TBC1D5: variants seen among roughly 807,000 people sequenced by gnomAD.
TBC1D5 encodes TBC1 domain family member 5, also known as TBC1 domain family, member 5.
A neutral mutation model predicts 100.3 loss-of-function variants in TBC1D5; 75 were observed. That is an observed-to-expected ratio of 0.75 (90% confidence interval 0.62 to 0.91). The LOEUF (loss-of-function observed/expected upper bound fraction) is 0.91, where lower values mean the gene tolerates loss of function less well. TBC1D5 is among the 40% of genes least tolerant of loss of function. The pLI is 0.00. For missense variants in TBC1D5, 910 were observed against 942.4 expected, an observed-to-expected ratio of 0.97 and a Z score of 0.45; for synonymous variants, 323 against 325.6, an observed-to-expected ratio of 0.99 and a Z score of 0.09.
intron 3 of TBC1D5, among the ~76,000 whole-genome samples, chr3:17,437,793 T>G (rs2094565469): frequency 6.6e-6 from 1 of 152,204 alleles, no homozygotes; most frequent in Admixed American, 6.5e-5. Context: ...TTCCCTAGAT[T>G]ATTCTGATGA....
chr3:17,247,723 A>G (rs946795091), intron 16 of TBC1D5, among the ~76,000 whole-genome samples: 22 of 152,206 alleles, frequency 1.4e-4, no homozygotes, highest in Non-Finnish European at 4.4e-5. Context: ...TTAAAATTGG[A>G]GTCAATCCCT....
intron 19 of TBC1D5, among the ~76,000 whole-genome samples, chr3:17,169,559 T>C (rs1287231815): frequency 1.3e-5 from 2 of 152,222 alleles, no homozygotes; most frequent in Non-Finnish European, 2.9e-5. Context: ...GACTGTAGTT[T>C]TGGCTATTAG....
At chr3:17,291,856 C>G (rs747822405) in intron 15 of TBC1D5, 39 bp downstream of exon 15, 4 of 1,564,584 alleles carry the variant, frequency 2.6e-6, no homozygotes, top group Non-Finnish European at 3.5e-6. Flanking sequence ...TATTTTTCAC[C>G]CAACTTAAAA....
At chr3:17,341,893 C>T (rs2089016773) in intron 13 of TBC1D5, among the ~76,000 whole-genome samples, 2 of 152,118 alleles carry the variant, frequency 1.3e-5, no homozygotes, top group South Asian at 4.1e-4. Flanking sequence ...GTAATTACTC[C>T]TAGTCCTTAA....
intron 13 of TBC1D5, among the ~76,000 whole-genome samples, chr3:17,344,497 T>G (rs2089554515): frequency 6.6e-6 from 1 of 151,172 alleles, no homozygotes; most frequent in Non-Finnish European, 1.5e-5. Context: ...CTGCCCAAGG[T>G]AATTTATAGA....
At chr3:17,538,752 A>C (rs1372886264) in intron 2 of TBC1D5, among the ~76,000 whole-genome samples, 4 of 152,188 alleles carry the variant, frequency 2.6e-5, no homozygotes, top group African/African-American at 9.7e-5. Context: ...AAAGACTAGA[A>C]ACCCAGTCGG....
intron 16 of TBC1D5, among the ~76,000 whole-genome samples, chr3:17,249,204 A>G (rs1281590468): frequency 6.6e-6 from 1 of 152,210 alleles, no homozygotes; most frequent in African/African-American, 2.4e-5. Context: ...CTGGAGTAGC[A>G]CTTTTAATTT....
Position 17,169,145 on chromosome 3 carries a change from A to G in TBC1D5, c.1853-1317T>C, listed in dbSNP as rs561220672. On this transcript the variant is annotated intron_variant, in intron 19 of 21. Coordinates refer to ENST00000253692, the Ensembl canonical transcript of TBC1D5. The stretch of plus-strand genomic sequence containing the variant: ...CCATCATTTCACTGTATTTATAAGC[A>G]CTTATCATTGTTTGATGCATGTATT... Among the ~76,000 whole-genome samples the G allele has an allele frequency of 8.5e-5, 13 of 152,224 alleles. 1 individual carries two copies. In the South Asian group the frequency reaches 1.9e-3, roughly 22 times the overall value.
At chr3:17,514,839 C>T (rs2153269074) in intron 2 of TBC1D5, among the ~76,000 whole-genome samples, 1 of 152,176 alleles carries the variant, frequency 6.6e-6, no homozygotes, top group Admixed American at 6.5e-5. Context: ...GCTCAAGATG[C>T]AGAGACTGGG....
chr3:17,367,782 C>G (rs2092247852), intron 13 of TBC1D5, among the ~76,000 whole-genome samples: 1 of 151,686 alleles, frequency 6.6e-6, no homozygotes, highest in Non-Finnish European at 1.5e-5. Context: ...TTGCTTGAAC[C>G]CGGGAGGCAG....
intron 13 of TBC1D5, among the ~76,000 whole-genome samples, chr3:17,318,935 T>C (rs2085032989): frequency 6.6e-6 from 1 of 152,182 alleles, no homozygotes; most frequent in African/African-American, 2.4e-5. Flanking sequence ...ATTACAGCTA[T>C]AGGACCCTAC....
intron 18 of TBC1D5, among the ~76,000 whole-genome samples, chr3:17,204,945 A>C (rs541687266): frequency 2.0e-5 from 3 of 152,206 alleles, no homozygotes; most frequent in Non-Finnish European, 4.4e-5. Context: ...CTCTCTCACA[A>C]AGATATATAG....
chr3:17,515,964 C>T (rs886907275), intron 2 of TBC1D5, among the ~76,000 whole-genome samples: 11 of 152,126 alleles, frequency 7.2e-5, no homozygotes, highest in African/African-American at 2.4e-4. Flanking sequence ...ATTTAAGTCC[C>T]CAAATGCTAC....
rs73143783 is a variant in TBC1D5, at chr3:17,277,982, T to A, written c.1245+13913A>T. Among the ~76,000 whole-genome samples, 816 of 152,318 alleles carry A rather than the reference T, an allele frequency of 5.4e-3. 11 individuals are homozygous for A. The highest frequency in any genetic ancestry group is 0.019 in the African/African-American group (784 of 41,570). On this transcript the variant is annotated intron_variant, in intron 15 of 21. Coordinates refer to ENST00000253692, the Ensembl canonical transcript of TBC1D5. Reference sequence around the variant, plus strand: ...TAGTCCTATAACTGAATGTTTAAAATGACTTATTTTTAAACATCAGAACCA... The same window carrying A: ...TAGTCCTATAACTGAATGTTTAAAAAGACTTATTTTTAAACATCAGAACCA...
chr3:17,581,920 C>T (rs1352395654), intron 2 of TBC1D5, among the ~76,000 whole-genome samples: 2 of 152,186 alleles, frequency 1.3e-5, no homozygotes, highest in Non-Finnish European at 2.9e-5. Context: ...AATATTCCTG[C>T]CTCAGGACCT....
chr3:17,488,084 A>G (rs2095593032), intron 3 of TBC1D5, among the ~76,000 whole-genome samples: 2 of 152,198 alleles, frequency 1.3e-5, no homozygotes, highest in South Asian at 4.1e-4. Flanking sequence ...TTACAGTACC[A>G]TACAGAATAG....
At chr3:17,578,414 C>A (rs1056244885) in intron 2 of TBC1D5, among the ~76,000 whole-genome samples, 6 of 151,954 alleles carry the variant, frequency 3.9e-5, no homozygotes, top group Non-Finnish European at 4.4e-5. Context: ...TTGTTGCCAA[C>A]AACTGAAAGA....
At chr3:17,346,419 C>A (rs116000197) in intron 13 of TBC1D5, among the ~76,000 whole-genome samples, 3,092 of 152,112 alleles carry the variant, frequency 0.02, 92 homozygotes, top group African/African-American at 0.07. Context: ...TCTGTACCAC[C>A]TGCCCATTTT....
intron 16 of TBC1D5, among the ~76,000 whole-genome samples, chr3:17,242,828 T>A (rs1020287839): frequency 6.6e-6 from 1 of 152,124 alleles, no homozygotes; most frequent in Non-Finnish European, 1.5e-5. Flanking sequence ...TAAACCGATA[T>A]ATATATATAA....
Sources: allele counts gnomAD v4.1 joint callset (sites outside exome capture counted in the v4.1 genomes callset), GRCh38; gene constraint gnomAD v4.1.1; transcripts MANE v1.5; gene names NCBI Gene and HGNC (gene_info 2026-07-23, HGNC 2026-07-21).